Variants in FHIT observed in about 807,000 individuals in gnomAD.
FHIT encodes the protein bis(5'-adenosyl)-triphosphatase.
In FHIT, 19 loss-of-function variants were observed where a neutral mutation model predicts 17.9. The ratio of observed to expected loss-of-function variants is 1.06; its 90% confidence interval spans 0.74 to 1.56. The LOEUF (loss-of-function observed/expected upper bound fraction) is 1.56, where lower values mean the gene tolerates loss of function less well. FHIT is among the 40% of genes most tolerant of loss of function. The pLI, the probability that FHIT is intolerant of heterozygous loss-of-function variation, is 0.00. For synonymous variants in FHIT, 81 were observed against 69.7 expected, an observed-to-expected ratio of 1.16 and a Z score of -0.81; for missense variants, 248 against 189.2, an observed-to-expected ratio of 1.31 and a Z score of -1.82.
chr3:60,378,751 C>T (rs891948763), intron 5 of FHIT, among the ~76,000 whole-genome samples: 6 of 152,308 alleles, frequency 3.9e-5, no homozygotes, highest in African/African-American at 1.2e-4. Context: ...ATCTTGTTAG[C>T]AATGCCTGAC....
intron 3 of FHIT, among the ~76,000 whole-genome samples, chr3:60,855,102 A>C (rs1327022736): frequency 6.6e-6 from 1 of 152,108 alleles, no homozygotes; most frequent in Non-Finnish European, 1.5e-5. Context: ...TAGAAGTGTT[A>C]TGGTTTTCTG....
chr3:60,122,132 A>T (rs1488546865), intron 5 of FHIT, among the ~76,000 whole-genome samples: 1 of 152,052 alleles, frequency 6.6e-6, no homozygotes, highest in Non-Finnish European at 1.5e-5. Context: ...GCCTAGAGAT[A>T]ATAAAAGAGA....
chr3:59,964,401 A>G (rs992242108), intron 7 of FHIT, among the ~76,000 whole-genome samples: 3 of 152,104 alleles, frequency 2.0e-5, no homozygotes, highest in Non-Finnish European at 1.5e-5. Context: ...AACTTTCCAT[A>G]CTACCTATTA....
intron 7 of FHIT, among the ~76,000 whole-genome samples, chr3:59,974,499 T>C (rs1390835396): frequency 1.3e-5 from 2 of 152,258 alleles, no homozygotes; most frequent in East Asian, 1.9e-4. Flanking sequence ...TCACCAAGCA[T>C]GAGAAACAAA....
chr3:60,147,474 C>T (rs1700289609), intron 5 of FHIT, among the ~76,000 whole-genome samples: 1 of 152,102 alleles, frequency 6.6e-6, no homozygotes, highest in Non-Finnish European at 1.5e-5. Flanking sequence ...CTTTGCGCTC[C>T]CACCTCCGCC....
intron 3 of FHIT, among the ~76,000 whole-genome samples, chr3:60,863,382 C>T (rs941312831): frequency 3.0e-4 from 46 of 152,196 alleles, no homozygotes; most frequent in Non-Finnish European, 4.4e-5. Flanking sequence ...ATGTATTGGG[C>T]TTCTGACTGC....
Position 59,921,890 on chromosome 3 carries a change from C to T in FHIT, c.348+456G>A, listed in dbSNP as rs183558116. On this transcript the variant is annotated intron_variant, in intron 8 of 9. Coordinates refer to ENST00000492590, the MANE Select transcript of FHIT (RefSeq NM_002012.4). ...TACTCAAACCAACCTAGTTTTTGCTCATGATAATTTACAGTTTCACTTTGA... is the reference window on the plus strand; with the variant it reads ...TACTCAAACCAACCTAGTTTTTGCTTATGATAATTTACAGTTTCACTTTGA... Among the ~76,000 whole-genome samples, 166 of 152,296 alleles carry T rather than the reference C, an allele frequency of 1.1e-3. 1 individual carries two copies. The highest frequency in any genetic ancestry group is 3.8e-3 in the African/African-American group (156 of 41,564).
intron 7 of FHIT, among the ~76,000 whole-genome samples, chr3:59,967,532 C>T (rs536081305): frequency 7.9e-5 from 12 of 152,200 alleles, no homozygotes; most frequent in African/African-American, 2.2e-4. Flanking sequence ...TTCATACATG[C>T]GGTCTGTGGT....
At chr3:60,111,525 T>A (rs1194793294) in intron 5 of FHIT, among the ~76,000 whole-genome samples, 1 of 152,200 alleles carries the variant, frequency 6.6e-6, no homozygotes, top group Non-Finnish European at 1.5e-5. Context: ...ACCCATTTCT[T>A]TGGGGCTATC....
intron 3 of FHIT, among the ~76,000 whole-genome samples, chr3:60,854,225 T>A (rs150510152): frequency 1.3e-5 from 2 of 152,012 alleles, no homozygotes; most frequent in Admixed American, 6.6e-5. Context: ...ATCAGACCAA[T>A]TGTATTTTTC....
intron 1 of FHIT, among the ~76,000 whole-genome samples, chr3:61,213,804 G>A (rs2039574755): frequency 6.6e-6 from 1 of 152,146 alleles, no homozygotes; most frequent in Non-Finnish European, 1.5e-5. Context: ...ATAACAAATT[G>A]TCTCTCAGAC....
intron 5 of FHIT, among the ~76,000 whole-genome samples, chr3:60,183,137 C>T (rs556447745): frequency 1.3e-5 from 2 of 152,116 alleles, no homozygotes; most frequent in Non-Finnish European, 2.9e-5. Flanking sequence ...GTGGCTCACA[C>T]CTGCAATCCC....
intron 5 of FHIT, 132 bp from the exon 6 acceptor site, chr3:60,014,284 A>T (rs1170984269): frequency 1.3e-6 from 1 of 795,494 alleles, no homozygotes; most frequent in Non-Finnish European, 2.0e-6. Flanking sequence ...GAAGAAACAG[A>T]TATTTACCAT....
At chr3:59,786,864 A>T (rs1273300638) in intron 8 of FHIT, among the ~76,000 whole-genome samples, 3 of 152,242 alleles carry the variant, frequency 2.0e-5, no homozygotes, top group African/African-American at 7.2e-5. Context: ...CTCATTGAAG[A>T]AATCAAGGTG....
At chr3:60,856,782 T>C (rs1703404089) in intron 3 of FHIT, among the ~76,000 whole-genome samples, 1 of 152,056 alleles carries the variant, frequency 6.6e-6, no homozygotes, top group Non-Finnish European at 1.5e-5. Context: ...CTGCCTTCTC[T>C]ATGCTCCCAC....
At chr3:60,432,858 T>G (rs1292605721) in intron 5 of FHIT, among the ~76,000 whole-genome samples, 1 of 152,128 alleles carries the variant, frequency 6.6e-6, no homozygotes, top group Admixed American at 6.5e-5. Context: ...AACACATTTT[T>G]GTGTTTGTTT....
At chr3:60,487,918 A>T (rs2107492960) in intron 5 of FHIT, among the ~76,000 whole-genome samples, 1 of 152,342 alleles carries the variant, frequency 6.6e-6, no homozygotes, top group African/African-American at 2.4e-5. Context: ...CTCCAGCCAA[A>T]GCAAATAGAA....
In FHIT at chr3:60,563,081, C is replaced by G. The variant is rs536326105; in HGVS notation, c.-17-26102G>C. ...GAGAAGTAATATGTTCTACGTGAAA[C>G]TTTGGAGCAGTGACTCTGGGTGCTG... On this transcript the variant is annotated intron_variant, in intron 4 of 9. Transcript: ENST00000492590. Among the ~76,000 whole-genome samples the G allele has an allele frequency of 4.6e-5, 7 of 152,246 alleles. 1 individual carries two copies. The South Asian group carries it at 1.5e-3, about 32-fold the overall frequency.
chr3:59,910,307 T>A (rs889900530), intron 8 of FHIT, among the ~76,000 whole-genome samples: 1 of 152,212 alleles, frequency 6.6e-6, no homozygotes, highest in African/African-American at 2.4e-5. Context: ...TCTTCTGAGT[T>A]TCTGACTAGC....
Sources: gnomAD v4.1 joint callset for allele counts (sites outside exome capture counted in the v4.1 genomes callset) on GRCh38, gnomAD v4.1.1 for gene constraint, MANE v1.5 for transcripts, NCBI Gene and HGNC (gene_info 2026-07-23, HGNC 2026-07-21) for gene names.